The following TASP1 variants were observed in gnomAD, a reference collection of about 807,000 sequenced individuals.
TASP1 encodes taspase 1, also known as threonine aspartase 1.
Under a neutral mutation model 56.6 loss-of-function variants are expected in TASP1, and 16 were observed. The observed-to-expected ratio is 0.28, with a 90% CI of 0.19 to 0.43. The LOEUF (loss-of-function observed/expected upper bound fraction) is 0.43, where lower values mean the gene tolerates loss of function less well. Among genes scored for constraint, TASP1 ranks in the 20% least tolerant of loss-of-function variants. The pLI, the probability that TASP1 is intolerant of heterozygous loss-of-function variation, is 1.00. For synonymous variants in TASP1, 179 were observed against 184.2 expected (o/e 0.97, Z 0.23); for missense variants, 393 against 511.6 (o/e 0.77, Z 2.24).
At chr20:13,577,732 C>T (rs1369380705) in intron 6 of TASP1, among the ~76,000 whole-genome samples, 1 of 152,190 alleles carries the variant, frequency 6.6e-6, no homozygotes, top group Non-Finnish European at 1.5e-5. Flanking sequence ...GACCGCTTAA[C>T]TTCCAGAACT....
the TASP1 span, among the ~76,000 whole-genome samples, chr20:13,291,414 G>A: frequency 1.1e-4 from 16 of 152,192 alleles, no homozygotes; most frequent in Admixed American, 9.8e-4. Context: ...GTAAAAGTTT[G>A]TCCTGTAGGT....
At chr20:13,567,023 A>T (rs1320224109) in intron 7 of TASP1, among the ~76,000 whole-genome samples, 1 of 152,202 alleles carries the variant, frequency 6.6e-6, no homozygotes, top group East Asian at 1.9e-4. Flanking sequence ...CATGGAATCA[A>T]CCTAAATGCC....
chr20:13,283,189 C>A, the TASP1 span, among the ~76,000 whole-genome samples: 1 of 152,132 alleles, frequency 6.6e-6, no homozygotes, highest in Non-Finnish European at 1.5e-5. Flanking sequence ...TTTAATCCCA[C>A]AGACCCACTT....
chr20:13,204,528 C>CATATATATATATATATATATATATAT, the TASP1 span, among the ~76,000 whole-genome samples: 515 of 145,078 alleles, frequency 3.5e-3, 7 homozygotes, highest in East Asian at 0.012. Flanking sequence ...TTTATATATT[C>CATATATATATATATATATATATATAT]ATATATATAT....
At chr20:13,429,635 TCTGTCTGTGTGTGTGC>T (rs369707390) in intron 12 of TASP1, among the ~76,000 whole-genome samples, 3,156 of 150,774 alleles carry the variant, frequency 0.021, 86 homozygotes, top group African/African-American at 0.06. Context: ...TGTGTGTGTG[TCTGTCTGTGTGTGTGC>T]CTGTCTGTGT....
intron 11 of TASP1, among the ~76,000 whole-genome samples, chr20:13,463,216 T>C (rs996482036): frequency 2.0e-5 from 3 of 152,026 alleles, no homozygotes; most frequent in African/African-American, 7.2e-5. Flanking sequence ...TAAACACTCA[T>C]ATGTGTTTAA....
chr20:13,603,668 G>A (rs74505405), intron 4 of TASP1, among the ~76,000 whole-genome samples: 2,561 of 152,228 alleles, frequency 0.017, 30 homozygotes, highest in Non-Finnish European at 0.025. Flanking sequence ...CATACATAAC[G>A]CAGTAAGACA....
At chr20:13,207,672 T>C in the TASP1 span, among the ~76,000 whole-genome samples, 3 of 152,194 alleles carry the variant, frequency 2.0e-5, no homozygotes, top group Non-Finnish European at 4.4e-5. Flanking sequence ...TTCGGTTTTT[T>C]GCTCTATTCT....
chr20:13,355,255 C>A, the TASP1 span, among the ~76,000 whole-genome samples: 1 of 151,992 alleles, frequency 6.6e-6, no homozygotes, highest in Non-Finnish European at 1.5e-5. Flanking sequence ...TGAGTTATAT[C>A]CACATATGTT....
the TASP1 span, among the ~76,000 whole-genome samples, chr20:13,284,570 C>T: frequency 1.3e-5 from 2 of 152,224 alleles, no homozygotes; most frequent in African/African-American, 4.8e-5. Context: ...GAAAGGAGCA[C>T]TGCCCTCAAT....
At chr20:13,392,808 C>T (rs2041342528) in intron 13 of TASP1, 14 of 632,394 alleles carry the variant, frequency 2.2e-5, no homozygotes, top group South Asian at 1.8e-4. Context: ...ACATAGTCTA[C>T]ATGTTCCCAT....
chr20:13,531,286 G>C (rs894940123), intron 9 of TASP1, among the ~76,000 whole-genome samples: 2 of 152,238 alleles, frequency 1.3e-5, no homozygotes, highest in South Asian at 4.2e-4. Context: ...GGGGAGGTGG[G>C]ATTAGAATAG....
intron 1 of TASP1, among the ~76,000 whole-genome samples, chr20:13,632,220 C>T (rs182793873): frequency 1.3e-5 from 2 of 151,604 alleles, no homozygotes; most frequent in East Asian, 3.9e-4. Context: ...AAAAGCTGGG[C>T]ATGGTGGCGC....
chr20:13,311,142 T>C, the TASP1 span, among the ~76,000 whole-genome samples: 37,145 of 151,812 alleles, frequency 0.24, 5,441 homozygotes, highest in African/African-American at 0.41. Context: ...TGCAGTGAGC[T>C]GAGATCATGC....
intron 13 of TASP1, among the ~76,000 whole-genome samples, chr20:13,407,030 GT>G (rs1338271067): frequency 1.2e-4 from 19 of 152,080 alleles, no homozygotes; most frequent in Non-Finnish European, 2.8e-4. Context: ...GAACATATGG[GT>G]TTTCTCCTTT....
chr20:13,474,954 C>G (rs1386463770), intron 11 of TASP1, among the ~76,000 whole-genome samples: 1 of 151,872 alleles, frequency 6.6e-6, no homozygotes, highest in Non-Finnish European at 1.5e-5. Context: ...TACTCATGTT[C>G]TTGGTCTACT....
At chr20:13,320,666 G>T in the TASP1 span, among the ~76,000 whole-genome samples, 25 of 152,222 alleles carry the variant, frequency 1.6e-4, no homozygotes, top group East Asian at 4.6e-3. Flanking sequence ...ATAGTCCCAG[G>T]TAAGTACAAG....
intron 9 of TASP1, among the ~76,000 whole-genome samples, chr20:13,533,448 T>C (rs1391850701): frequency 6.6e-6 from 1 of 152,162 alleles, no homozygotes; most frequent in African/African-American, 2.4e-5. Flanking sequence ...GATGTGCAAG[T>C]GAACTGGGGA....
At chr20:13,539,736 T>C (rs2045552796) in intron 8 of TASP1, among the ~76,000 whole-genome samples, 1 of 152,198 alleles carries the variant, frequency 6.6e-6, no homozygotes. Flanking sequence ...TACTTAAAAA[T>C]TCCAAACCCT....
Sources: gnomAD v4.1 joint callset for allele counts (sites outside exome capture counted in the v4.1 genomes callset) on GRCh38, gnomAD v4.1.1 for gene constraint, MANE v1.5 for transcripts, NCBI Gene and HGNC (gene_info 2026-07-23, HGNC 2026-07-21) for gene names.